The following NKAIN2 variants were observed in gnomAD, a reference collection of about 807,000 sequenced individuals.
NKAIN2 encodes sodium/potassium-transporting ATPase subunit beta-1-interacting protein 2.
NKAIN2 carries 14 observed loss-of-function variants against 32.6 expected under a neutral mutation model. The ratio of observed to expected loss-of-function variants is 0.43; its 90% CI spans 0.28 to 0.67. The LOEUF (loss-of-function observed/expected upper bound fraction) is 0.67, where lower values mean the gene tolerates loss of function less well. Among genes scored for constraint, NKAIN2 ranks in the 30% least tolerant of loss-of-function variants. NKAIN2 has a pLI of 0.17. For missense variants in NKAIN2, 198 were observed against 258.3 expected, an observed-to-expected ratio of 0.77 and a Z score of 1.60; for synonymous variants, 80 against 87.2, an observed-to-expected ratio of 0.92 and a Z score of 0.46.
chr6:124,085,102 T>C (rs1280187874), intron 1 of NKAIN2, among the ~76,000 whole-genome samples: 3 of 152,082 alleles, frequency 2.0e-5, no homozygotes, highest in South Asian at 2.1e-4. Flanking sequence ...TCATCCTTAA[T>C]GATGTGAAAG....
intron 1 of NKAIN2, among the ~76,000 whole-genome samples, chr6:123,988,619 C>T (rs1252676704): frequency 6.6e-6 from 1 of 152,176 alleles, no homozygotes; most frequent in East Asian, 1.9e-4. Context: ...CTCTTAAAGA[C>T]ATGATAGTGT....
intron 3 of NKAIN2, among the ~76,000 whole-genome samples, chr6:124,369,335 A>T (rs1407527): frequency 0.7 from 106,401 of 151,958 alleles, 37,322 homozygotes; most frequent in Admixed American, 0.75. Context: ...TTTAAAAATA[A>T]TTGAATTTTA....
chr6:124,059,435 C>G (rs1398231706), intron 1 of NKAIN2, among the ~76,000 whole-genome samples: 1 of 152,010 alleles, frequency 6.6e-6, no homozygotes, highest in Non-Finnish European at 1.5e-5. Context: ...AAAGTCTGAC[C>G]CTTCACCTTA....
At chr6:123,835,818 T>G (rs1270688285) in intron 1 of NKAIN2, among the ~76,000 whole-genome samples, 1 of 152,162 alleles carries the variant, frequency 6.6e-6, no homozygotes, top group Non-Finnish European at 1.5e-5. Context: ...CCACACTACT[T>G]AGTGTTTTCT....
intron 4 of NKAIN2, among the ~76,000 whole-genome samples, chr6:124,711,836 A>T (rs1452674829): frequency 1.3e-5 from 2 of 152,176 alleles, no homozygotes; most frequent in African/African-American, 4.8e-5. Context: ...GTCATTCTCC[A>T]TCAAGCTTTG....
At chr6:124,689,938 G>A (rs1237454498) in intron 4 of NKAIN2, among the ~76,000 whole-genome samples, 2 of 152,036 alleles carry the variant, frequency 1.3e-5, no homozygotes, top group Non-Finnish European at 2.9e-5. Flanking sequence ...TCTGTTCTGA[G>A]TCTTTTCCTC....
At chr6:124,536,200 A>G (rs567785973) in intron 3 of NKAIN2, among the ~76,000 whole-genome samples, 20 of 152,346 alleles carry the variant, frequency 1.3e-4, no homozygotes, top group African/African-American at 4.6e-4. Context: ...AAATGTAGAC[A>G]TGAAATGGTT....
At chr6:123,822,420 A>G (rs989289606) in intron 1 of NKAIN2, among the ~76,000 whole-genome samples, 3 of 152,196 alleles carry the variant, frequency 2.0e-5, no homozygotes, top group Non-Finnish European at 2.9e-5. Context: ...ACATTTACAG[A>G]GCCTGGTATT....
At chr6:124,805,958 G>T (rs529771938) in intron 5 of NKAIN2, among the ~76,000 whole-genome samples, 7 of 152,138 alleles carry the variant, frequency 4.6e-5, no homozygotes, top group Non-Finnish European at 1.0e-4. Flanking sequence ...AAAAAGAAAC[G>T]AACAAAGCCT....
At chr6:124,277,275 C>T (rs150476480) in intron 1 of NKAIN2, among the ~76,000 whole-genome samples, 3 of 152,150 alleles carry the variant, frequency 2.0e-5, no homozygotes, top group East Asian at 3.9e-4. Context: ...AAAAGTATGA[C>T]CAACACATGG....
intron 3 of NKAIN2, among the ~76,000 whole-genome samples, chr6:124,444,790 G>A (rs1384831889): frequency 6.6e-6 from 1 of 151,788 alleles, no homozygotes; most frequent in Non-Finnish European, 1.5e-5. Context: ...ATTTCTCATT[G>A]AGAGAAATGT....
At chr6:124,643,535 C>A (rs1185018596) in intron 3 of NKAIN2, among the ~76,000 whole-genome samples, 1 of 151,954 alleles carries the variant, frequency 6.6e-6, no homozygotes, top group African/African-American at 2.4e-5. Flanking sequence ...ATTTTTATAC[C>A]TAGTTTCCCA....
chr6:124,278,011 T>C (rs1264134487), intron 1 of NKAIN2, among the ~76,000 whole-genome samples: 2 of 152,120 alleles, frequency 1.3e-5, no homozygotes, highest in African/African-American at 4.8e-5. Flanking sequence ...AATAATATTA[T>C]AGTAATATTT....
At chr6:124,786,236 C>G (rs1430866915) in intron 4 of NKAIN2, among the ~76,000 whole-genome samples, 1 of 151,978 alleles carries the variant, frequency 6.6e-6, no homozygotes, top group East Asian at 1.9e-4. Flanking sequence ...CCCTCATGTA[C>G]TTTTTTGAGT....
At chr6:124,613,507 TGACTATTCTAATCTA>T (rs1782770483) in intron 3 of NKAIN2, among the ~76,000 whole-genome samples, 1 of 152,234 alleles carries the variant, frequency 6.6e-6, no homozygotes, top group African/African-American at 2.4e-5. Flanking sequence ...TGTGCCAGTG[TGACTATTCTAATCTA>T]GATATTGTTT....
chr6:124,617,932 T>G (rs2115010279), intron 3 of NKAIN2, among the ~76,000 whole-genome samples: 1 of 152,310 alleles, frequency 6.6e-6, no homozygotes, highest in Non-Finnish European at 1.5e-5. Flanking sequence ...TGGGCTTGCT[T>G]AAGGAACAGT....
At chr6:123,925,218 A>G (rs1775954212) in intron 1 of NKAIN2, among the ~76,000 whole-genome samples, 1 of 152,206 alleles carries the variant, frequency 6.6e-6, no homozygotes, top group Non-Finnish European at 1.5e-5. Flanking sequence ...TGCAGTAAAA[A>G]GAAGTAAAAT....
At chr6:124,723,886 T>C (rs1410500782) in intron 4 of NKAIN2, among the ~76,000 whole-genome samples, 1 of 152,192 alleles carries the variant, frequency 6.6e-6, no homozygotes, top group Non-Finnish European at 1.5e-5. Context: ...ACTCTTTAGA[T>C]TTTGTGTTTC....
At chr6:123,883,419 A>G (rs1773549097) in intron 1 of NKAIN2, among the ~76,000 whole-genome samples, 1 of 152,126 alleles carries the variant, frequency 6.6e-6, no homozygotes, top group South Asian at 2.1e-4. Context: ...TGCTGGGATT[A>G]CAGGCGTGAG....
Sources: allele counts gnomAD v4.1 joint callset (sites outside exome capture counted in the v4.1 genomes callset), GRCh38; gene constraint gnomAD v4.1.1; transcripts MANE v1.5; gene names NCBI Gene and HGNC (gene_info 2026-07-23, HGNC 2026-07-21).